UGT2B4: variants seen among roughly 807,000 people sequenced by gnomAD.
UGT2B4 encodes UDP-glucuronosyltransferase 2B4.
Under a neutral mutation model 49.8 loss-of-function variants are expected in UGT2B4, and 49 were observed. The observed-to-expected ratio is 0.98, with a 90% confidence interval of 0.78 to 1.25. The LOEUF (loss-of-function observed/expected upper bound fraction) is 1.25. Among genes scored for constraint, UGT2B4 ranks in the 50% most tolerant of loss-of-function variants. The pLI is 0.00. For missense variants in UGT2B4, 729 were observed against 627.7 expected (o/e 1.16, Z -1.73); for synonymous variants, 246 against 217.7 (o/e 1.13, Z -1.14).
At chr4:69,505,409 A>C (rs1031929688) in intron 1 of UGT2B4, among the ~76,000 whole-genome samples, 9 of 152,202 alleles carry the variant, frequency 5.9e-5, no homozygotes, top group East Asian at 1.9e-4. Context: ...ACAGAAAAAA[A>C]CCATATATTT....
At chr4:69,489,348 T>C (rs756301428) in intron 3 of UGT2B4, 91 bp downstream of exon 3, 25 of 1,530,848 alleles carry the variant, frequency 1.6e-5, no homozygotes, top group Non-Finnish European at 2.0e-5. Context: ...CAGCTGAATA[T>C]ATAGGCAGGA....
intron 5 of UGT2B4, among the ~76,000 whole-genome samples, chr4:69,482,517 G>T (rs1299262635): frequency 6.6e-6 from 1 of 152,078 alleles, no homozygotes; most frequent in Non-Finnish European, 1.5e-5. Flanking sequence ...CACTGCTTTT[G>T]TCCTCCAATT....
At position 69,491,910 on chromosome 4, in the gene UGT2B4, TCA is replaced by T. The variant is rs41300018; in HGVS notation, c.870+1781_870+1782del. 5.3e-3 allele frequency among the ~76,000 whole-genome samples: 808 copies of T among 152,186 alleles called. 4 individuals carry two copies. The highest frequency in any genetic ancestry group is 0.017 in the African/African-American group (724 of 41,520). ...TGGATTTTAACCATGGAATAAAATA[TCA>T]GTTTCATGTTGCTGTTAATAAGGAG... On this transcript the variant is annotated intron_variant, in intron 2 of 5. Transcript: ENST00000305107.
At chr4:69,510,097 A>G (rs1415247574) in intron 1 of UGT2B4, among the ~76,000 whole-genome samples, 1 of 152,162 alleles carries the variant, frequency 6.6e-6, no homozygotes, top group East Asian at 1.9e-4. Flanking sequence ...AGTACCATTT[A>G]TTTAAGAGAC....
intron 1 of UGT2B4, among the ~76,000 whole-genome samples, chr4:69,516,017 C>G (rs983695770): frequency 6.6e-6 from 1 of 152,066 alleles, no homozygotes; most frequent in African/African-American, 2.4e-5. Flanking sequence ...CCTTCAGGTC[C>G]CAGTGTGTGT....
intron 1 of UGT2B4, among the ~76,000 whole-genome samples, chr4:69,524,881 A>G (rs1180989696): frequency 2.6e-5 from 4 of 152,210 alleles, no homozygotes; most frequent in Non-Finnish European, 5.9e-5. Context: ...CAGATAACAT[A>G]CAGGGTAAGA....
At chr4:69,504,124 ATTATTGCAAGAATGCTG>A (rs1173629658) in intron 1 of UGT2B4, among the ~76,000 whole-genome samples, 1 of 152,198 alleles carries the variant, frequency 6.6e-6, no homozygotes, top group Non-Finnish European at 1.5e-5. Context: ...AAGGTAAAAA[ATTATTGCAAGAATGCTG>A]AAAACTCAAA....
chr4:69,525,847 A>G, exon 1 of UGT2B4: 1 of 582,184 alleles, frequency 1.7e-6, no homozygotes, highest in Non-Finnish European at 2.4e-6. Context: ...CACACCGTTA[A>G]TCCCAGCACT....
At chr4:69,515,408 T>C (rs2116561) in intron 1 of UGT2B4, among the ~76,000 whole-genome samples, 22,012 of 152,154 alleles carry the variant, frequency 0.14, 1,887 homozygotes, top group Non-Finnish European at 0.19. Flanking sequence ...TGCTCCTGAA[T>C]GACTTTTTGG....
Position 69,495,373 on chromosome 4 carries a change from T to G in UGT2B4, c.489A>C (p.Leu163Phe). 6.2e-7 allele frequency: 1 copy of G among 1,613,944 alleles called. No individual in the cohort carries two copies. The highest frequency in any genetic ancestry group is 8.5e-7 in the Non-Finnish European group (1 of 1,179,952). ...GGCTGTAGACAAAGGGTATTTTAAG[T>G]AACTCGGCCAGCAGCTCACCAAAGG... is the stretch of plus-strand genomic sequence containing the variant. ...VFPFGELLAELLKIPFVYSLR... is the reference protein window; with the variant it reads ...VFPFGELLAEFLKIPFVYSLR... The change falls in exon 1 of 6, where the codon TTA (leucine) becomes TTC (phenylalanine). Residue 163 changes from leucine (L) to phenylalanine (F), a missense_variant. By Grantham distance (22) the Leu-to-Phe change is conservative. Transcript: ENST00000305107.
At chr4:69,519,571 CTG>C (rs1283389851) in intron 1 of UGT2B4, among the ~76,000 whole-genome samples, 1 of 152,184 alleles carries the variant, frequency 6.6e-6, no homozygotes, top group East Asian at 1.9e-4. Flanking sequence ...AAGCTGGGAG[CTG>C]TGTCATGCAA....
chr4:69,518,527 G>C (rs1728783439), intron 1 of UGT2B4: 1 of 152,124 alleles, frequency 6.6e-6, no homozygotes. Context: ...CTTTTTGTAA[G>C]TTTAATATTT....
rs1199222813 is a variant in UGT2B4, at chr4:69,485,155, C to T, written c.1310+53G>A. On this transcript the variant is annotated intron_variant, in intron 5 of 5. Transcript: ENST00000305107. ...AAGGATAAAAGTCATACTCACTATTCACAAGGGAACCTATCTATAAAGACC... is the reference window on the plus strand; with the variant it reads ...AAGGATAAAAGTCATACTCACTATTTACAAGGGAACCTATCTATAAAGACC... 4 of 1,589,246 alleles carry T rather than the reference C, an allele frequency of 2.5e-6. No individual in the cohort carries two copies. The African/African-American group carries it at 5.4e-5, about 21-fold the overall frequency.
At chr4:69,500,111 T>C (rs530494920), upstream of UGT2B4, among the ~76,000 whole-genome samples, 7 of 152,220 alleles carry the variant, frequency 4.6e-5, no homozygotes, top group African/African-American at 1.4e-4. Context: ...TGGATGCAGC[T>C]CGAAGCCATT....
chr4:69,483,357 T>C (rs1042204317), intron 5 of UGT2B4, among the ~76,000 whole-genome samples: 2 of 152,128 alleles, frequency 1.3e-5, no homozygotes, highest in African/African-American at 2.4e-5. Context: ...AGTTGATATA[T>C]AGAATACATA....
chr4:69,511,709 C>G (rs1728608834), intron 1 of UGT2B4, among the ~76,000 whole-genome samples: 1 of 151,904 alleles, frequency 6.6e-6, no homozygotes, highest in South Asian at 2.1e-4. Flanking sequence ...GTATCTTTTT[C>G]TTTTCAGATT....
At chr4:69,481,073 C>T (rs561098271) in intron 5 of UGT2B4, among the ~76,000 whole-genome samples, 163 bp from the exon 6 acceptor site, 2 of 131,876 alleles carry the variant, frequency 1.5e-5, no homozygotes, top group South Asian at 2.8e-4. Flanking sequence ...CCCGTCACCC[C>T]GTCTCCAGTA....
intron 5 of UGT2B4, among the ~76,000 whole-genome samples, chr4:69,482,300 A>C (rs1462952993): frequency 4.6e-5 from 7 of 152,212 alleles, no homozygotes; most frequent in African/African-American, 1.7e-4. Flanking sequence ...TGATTCCTAT[A>C]ATCTTAAAAT....
chr4:69,514,037 T>C lies in UGT2B4; in HGVS notation c.-106+11650A>G, dbSNP rs188691847. On this transcript the variant is annotated intron_variant, in intron 1 of 1. Transcript: ENST00000510114. The stretch of plus-strand genomic sequence containing the variant: ...TTTTTTTATTACTATCCCTAATGCC[T>C]AGAATGAAATCTGAATAAATGAATA... Among the ~76,000 whole-genome samples, 27 of 152,154 alleles carry C rather than the reference T, an allele frequency of 1.8e-4. No homozygotes were observed. In the East Asian group the frequency reaches 4.6e-3, roughly 26 times the overall value.
Sources: gnomAD v4.1 joint callset for allele counts (sites outside exome capture counted in the v4.1 genomes callset) on GRCh38, gnomAD v4.1.1 for gene constraint, MANE v1.5 for transcripts, NCBI Gene and HGNC (gene_info 2026-07-23, HGNC 2026-07-21) for gene names.